Variants in CACNB2 observed in about 807,000 individuals in gnomAD.
CACNB2 encodes calcium voltage-gated channel auxiliary subunit beta 2, also known as voltage-dependent L-type calcium channel subunit beta-2.
A neutral mutation model predicts 73.3 loss-of-function variants in CACNB2; 42 were observed. That is an observed-to-expected ratio of 0.57 (90% confidence interval 0.45 to 0.74). CACNB2 has a LOEUF of 0.74. Among genes scored for constraint, CACNB2 ranks in the 30% least tolerant of loss-of-function variants. CACNB2 has a pLI of 0.00. For synonymous variants in CACNB2, 348 were observed against 310.3 expected (o/e 1.12, Z -1.28); for missense variants, 940 against 853.0 (o/e 1.10, Z -1.27).
At position 18,281,619 on chromosome 10, in the gene CACNB2, A is replaced by T. The variant is rs187535140; in HGVS notation, c.214-120305A>T. On this transcript the variant is annotated intron_variant, in intron 2 of 13. Coordinates refer to ENST00000324631, the MANE Select transcript of CACNB2 (RefSeq NM_201596.3). ...TGTTGTGTGTGTCCAAAAATAACAG[A>T]CCTCTTTCCCAAAAAGCACAGTCTG... 4.6e-5 allele frequency among the ~76,000 whole-genome samples: 7 copies of T among 152,144 alleles called. No homozygotes were observed. The East Asian group carries it at 1.4e-3, about 30-fold the overall frequency.
At chr10:18,345,218 T>C (rs988851123) in intron 2 of CACNB2, among the ~76,000 whole-genome samples, 2 of 152,254 alleles carry the variant, frequency 1.3e-5, no homozygotes, top group African/African-American at 4.8e-5. Context: ...TGGGTTTGAA[T>C]GTTCTTATAA....
intron 3 of CACNB2, among the ~76,000 whole-genome samples, chr10:18,411,419 C>T (rs1272701001): frequency 6.6e-6 from 1 of 151,468 alleles, no homozygotes; most frequent in African/African-American, 2.4e-5. Context: ...ATAATGACAA[C>T]AGTAATAGCA....
rs538802974 is a variant in CACNB2, at chr10:18,151,263, T to TG, written c.213+294dup. On this transcript the variant is annotated intron_variant, in intron 2 of 13. Transcript: ENST00000324631. Reference sequence around the variant, plus strand: ...ACTCCAGCAGAAATGATTATGGATTTGGGGGGATTGTTTTTTTTTTTTTTC... The same window carrying TG: ...ACTCCAGCAGAAATGATTATGGATTTGGGGGGGATTGTTTTTTTTTTTTTTC... The TG allele has an allele frequency of 1.5e-3, 471 of 316,978 alleles. 4 individuals carry two copies. Among genetic ancestry groups the TG allele is most frequent in the African/African-American group, 9.7e-3 (438 of 44,958 alleles). The allele number at this position is 316,978 out of a possible 1,614,324, so 19.6% of individuals were successfully genotyped here. A position where few individuals can be genotyped will look rare whatever the true frequency, so the allele number is the denominator to read the frequency against.
intron 2 of CACNB2, chr10:18,340,781 A>G: frequency 1.3e-6 from 2 of 1,575,784 alleles, no homozygotes; most frequent in East Asian, 2.2e-5. Flanking sequence ...CTAAGACTAC[A>G]CACCCCAAGC....
intron 2 of CACNB2, among the ~76,000 whole-genome samples, chr10:18,352,128 A>G (rs2041733392): frequency 6.6e-6 from 1 of 152,364 alleles, no homozygotes; most frequent in Admixed American, 6.5e-5. Flanking sequence ...TTAAAAGTAC[A>G]TTTTTGCATC....
intron 3 of CACNB2, among the ~76,000 whole-genome samples, chr10:18,430,603 C>T (rs912422014): frequency 1.3e-5 from 2 of 152,268 alleles, no homozygotes; most frequent in East Asian, 1.9e-4. Context: ...GCACTCCAGC[C>T]TGGGCAACAG....
At chr10:18,214,423 C>T (rs11013033) in intron 2 of CACNB2, among the ~76,000 whole-genome samples, 4,180 of 73,030 alleles carry the variant, frequency 0.057, 1,197 homozygotes, top group African/African-American at 0.13. Context: ...GTCAGAAGTT[C>T]GAGACCAGCC....
At position 18,322,688 on chromosome 10, in the gene CACNB2, G is replaced by A. The variant is rs189177750; in HGVS notation, c.214-79236G>A. On this transcript the variant is annotated intron_variant, in intron 2 of 13. Coordinates refer to ENST00000324631, the MANE Select transcript of CACNB2 (RefSeq NM_201596.3). ...TAATGACTATATTTGTGAAACTAAG[G>A]TAGATGATTGTCAAAACATGACATT... Among the ~76,000 whole-genome samples the A allele has an allele frequency of 1.6e-3, 239 of 152,178 alleles. 1 individual carries two copies. The highest frequency in any genetic ancestry group is 5.2e-3 in the African/African-American group (216 of 41,518).
At chr10:18,220,835 C>G (rs535418246) in intron 2 of CACNB2, among the ~76,000 whole-genome samples, 1 of 152,280 alleles carries the variant, frequency 6.6e-6, no homozygotes, top group East Asian at 1.9e-4. Context: ...TGAGGTGGAA[C>G]AGTTTCATCC....
At chr10:18,288,921 T>G (rs1350358023) in intron 2 of CACNB2, among the ~76,000 whole-genome samples, 1 of 152,102 alleles carries the variant, frequency 6.6e-6, no homozygotes, top group African/African-American at 2.4e-5. Context: ...AGCACATGCC[T>G]GTCCTCCCAG....
intron 5 of CACNB2, among the ~76,000 whole-genome samples, chr10:18,505,903 A>G (rs534193978): frequency 1.3e-5 from 2 of 152,276 alleles, no homozygotes; most frequent in East Asian, 1.9e-4. Context: ...TCTGGGTACT[A>G]TCTGATGGCT....
chr10:18,200,345 A>G (rs909909782), intron 2 of CACNB2, among the ~76,000 whole-genome samples: 1 of 152,004 alleles, frequency 6.6e-6, no homozygotes, highest in Non-Finnish European at 1.5e-5. Flanking sequence ...TGTAATCCAT[A>G]TATTGTACTA....
intron 3 of CACNB2, among the ~76,000 whole-genome samples, chr10:18,450,389 AG>A (rs751939274): frequency 1.8e-4 from 27 of 152,144 alleles, no homozygotes; most frequent in Middle Eastern, 6.8e-3. Flanking sequence ...CCTAAAAGCC[AG>A]TGCTTTTAGT....
chr10:18,331,832 G>T (rs1027565309), intron 2 of CACNB2, among the ~76,000 whole-genome samples: 1 of 152,158 alleles, frequency 6.6e-6, no homozygotes, highest in East Asian at 1.9e-4. Context: ...AGGTTTCCCT[G>T]GATTGTGGGC....
At chr10:18,488,474 CAAAAAAAAAAA>C (rs59931967) in intron 3 of CACNB2, among the ~76,000 whole-genome samples, 9 of 67,968 alleles carry the variant, frequency 1.3e-4, no homozygotes, top group African/African-American at 5.1e-4. Flanking sequence ...GACTCCATCT[CAAAAAAAAAAA>C]AAAAAAAAAA....
At chr10:18,141,019 C>T in intron 1 of CACNB2, 163 bp downstream of exon 1, 2 of 1,537,154 alleles carry the variant, frequency 1.3e-6, no homozygotes, top group South Asian at 1.2e-5. Flanking sequence ...GGACCCTGCC[C>T]CTTTGCGCCT....
intron 3 of CACNB2, among the ~76,000 whole-genome samples, chr10:18,462,005 C>CT (rs2047606766): frequency 6.6e-6 from 1 of 151,980 alleles, no homozygotes; most frequent in Non-Finnish European, 1.5e-5. Context: ...GGAAGAGATA[C>CT]CTCTCCACCC....
intron 2 of CACNB2, among the ~76,000 whole-genome samples, chr10:18,158,380 A>C (rs1397459531): frequency 6.6e-6 from 1 of 152,226 alleles, no homozygotes; most frequent in Non-Finnish European, 1.5e-5. Context: ...ATTAGAATGA[A>C]TGAATATTAT....
intron 2 of CACNB2, among the ~76,000 whole-genome samples, chr10:18,360,656 A>G (rs1381888239): frequency 6.6e-6 from 1 of 152,232 alleles, no homozygotes; most frequent in East Asian, 1.9e-4. Context: ...TTTAAGTGGC[A>G]GCTTTGATCA....
Sources: allele counts gnomAD v4.1 joint callset (sites outside exome capture counted in the v4.1 genomes callset), GRCh38; gene constraint gnomAD v4.1.1; transcripts MANE v1.5; gene names NCBI Gene and HGNC (gene_info 2026-07-23, HGNC 2026-07-21).